TACC1: variants seen among roughly 807,000 people sequenced by gnomAD.
The protein encoded by TACC1 is transforming acidic coiled-coil containing protein 1.
TACC1 carries 48 observed loss-of-function variants against 84.4 expected under a neutral mutation model. The ratio of observed to expected loss-of-function variants is 0.57; its 90% CI spans 0.45 to 0.72. The LOEUF is 0.72. Among genes scored for constraint, TACC1 ranks in the 30% least tolerant of loss-of-function variants. The probability of loss-of-function intolerance (pLI) is 0.00; values close to 1 mark genes in which losing one functional copy is unlikely to be tolerated. For synonymous variants in TACC1, 372 were observed against 376.3 expected (o/e 0.99, Z 0.13); for missense variants, 920 against 973.0 (o/e 0.95, Z 0.72).
rs1833286985 is a variant in TACC1 at position 38,852,885 on chromosome 8, A to G, written c.*4862A>G. 6.6e-6 allele frequency: 1 copy of G among 152,662 alleles called. No homozygotes were observed. Among genetic ancestry groups the G allele is most frequent in the Non-Finnish European group, 1.5e-5 (1 of 68,048 alleles). The allele number at this position is 152,662 out of a possible 1,614,324, so 9.5% of individuals were successfully genotyped here. A position where few individuals can be genotyped will look rare whatever the true frequency, so the allele number is the denominator to read the frequency against. ...ATTGTGTTGTGTGGAATATTCATCT[A>G]CATAAATTTTATATGCACAGTAATT... On this transcript the variant is annotated 3_prime_UTR_variant, in exon 13 of 13. Coordinates refer to ENST00000317827, the MANE Select transcript of TACC1 (RefSeq NM_006283.3).
exon 3 of TACC1, chr8:38,745,369 A>T (rs1587164077): frequency 1.6e-6 from 1 of 606,186 alleles, no homozygotes; most frequent in African/African-American, 1.9e-5. Flanking sequence ...CCTAGCATTC[A>T]TCATATCCAA....
intron 2 of TACC1, among the ~76,000 whole-genome samples, chr8:38,797,523 C>T (rs1382385237): frequency 2.0e-5 from 3 of 152,176 alleles, no homozygotes; most frequent in Admixed American, 2.0e-4. Flanking sequence ...CGCCTATTGG[C>T]TTGTGGTCCT....
intron 6 of TACC1, among the ~76,000 whole-genome samples, chr8:38,832,603 C>T (rs1292978033): frequency 6.6e-6 from 1 of 152,106 alleles, no homozygotes; most frequent in Non-Finnish European, 1.5e-5. Context: ...GGTCTTGTGC[C>T]CAGCAGTAGG....
chr8:38,807,679 A>G (rs185289407), intron 2 of TACC1, among the ~76,000 whole-genome samples: 105 of 152,316 alleles, frequency 6.9e-4, no homozygotes, highest in African/African-American at 2.1e-3. Flanking sequence ...AGCTGAATAC[A>G]TTTCTCTGAA....
chr8:38,835,496 T>G (rs1830048524), intron 6 of TACC1, among the ~76,000 whole-genome samples: 1 of 152,162 alleles, frequency 6.6e-6, no homozygotes, highest in Non-Finnish European at 1.5e-5. Context: ...CACACAGGCA[T>G]GGTCCTTGAC....
chr8:38,801,445 G>A lies in TACC1; in HGVS notation c.277+12626G>A, dbSNP rs567443163. Among the ~76,000 whole-genome samples the A allele has an allele frequency of 3.9e-5, 6 of 152,274 alleles. No individual in the cohort carries two copies. The South Asian group carries it at 1.0e-3, about 26-fold the overall frequency. On this transcript the variant is annotated intron_variant, in intron 2 of 12. Transcript: ENST00000317827. Reference sequence around the variant, plus strand: ...TTCTTTTGCATGTGGATATCCAGTTGTCCCAGCACCATTTGTCAAAAAGAC... The same window carrying A: ...TTCTTTTGCATGTGGATATCCAGTTATCCCAGCACCATTTGTCAAAAAGAC...
At chr8:38,776,558 C>G (rs535258461) in intron 3 of TACC1, among the ~76,000 whole-genome samples, 1 of 152,308 alleles carries the variant, frequency 6.6e-6, no homozygotes, top group African/African-American at 2.4e-5. Flanking sequence ...TTCATATACA[C>G]CTTCTACACA....
chr8:38,806,633 G>A (rs1289178509), intron 2 of TACC1, among the ~76,000 whole-genome samples: 1 of 152,006 alleles, frequency 6.6e-6, no homozygotes, highest in Non-Finnish European at 1.5e-5. Flanking sequence ...CTTGGTTTTG[G>A]GTAAGAAGAT....
At chr8:38,746,405 T>G (rs1458837681) in intron 3 of TACC1, among the ~76,000 whole-genome samples, 1 of 152,312 alleles carries the variant, frequency 6.6e-6, no homozygotes, top group Admixed American at 6.5e-5. Context: ...TCTAATATCT[T>G]GAATCTGCAA....
chr8:38,837,641 C>CTATGAGAT (rs1439686161), intron 7 of TACC1, among the ~76,000 whole-genome samples: 2 of 152,168 alleles, frequency 1.3e-5, no homozygotes, highest in Non-Finnish European at 2.9e-5. Context: ...GGGAGTTAAA[C>CTATGAGAT]TATGAGATCA....
chr8:38,775,779 G>T (rs1466743802), intron 3 of TACC1, among the ~76,000 whole-genome samples: 1 of 152,186 alleles, frequency 6.6e-6, no homozygotes, highest in Non-Finnish European at 1.5e-5. Flanking sequence ...ATTCTGCTCA[G>T]TGTCTATGCC....
intron 2 of TACC1, among the ~76,000 whole-genome samples, chr8:38,810,408 G>A (rs116680033): frequency 0.024 from 3,597 of 151,968 alleles, 130 homozygotes; most frequent in African/African-American, 0.075. Flanking sequence ...TGAGACCAGC[G>A]TGGACAACAT....
intron 3 of TACC1, among the ~76,000 whole-genome samples, chr8:38,775,690 A>G (rs138800128): frequency 1.3e-5 from 2 of 152,214 alleles, no homozygotes; most frequent in African/African-American, 2.4e-5. Flanking sequence ...GTTTTAACCT[A>G]TGAATTTTGG....
chr8:38,754,671 TCAA>T (rs1791740832), intron 3 of TACC1, among the ~76,000 whole-genome samples: 1 of 152,098 alleles, frequency 6.6e-6, no homozygotes, highest in Non-Finnish European at 1.5e-5. Context: ...CTGCCAAGAG[TCAA>T]CTTTTCTTTA....
At chr8:38,795,175 G>A (rs1026964476) in intron 2 of TACC1, among the ~76,000 whole-genome samples, 2 of 152,206 alleles carry the variant, frequency 1.3e-5, no homozygotes, top group African/African-American at 4.8e-5. Flanking sequence ...CCAAGGGAGT[G>A]TCTTCCTGGG....
chr8:38,804,860 C>T (rs997961448), intron 2 of TACC1, among the ~76,000 whole-genome samples: 1 of 152,202 alleles, frequency 6.6e-6, no homozygotes, highest in Non-Finnish European at 1.5e-5. Flanking sequence ...TACTTAGCCT[C>T]CCAACTGTCT....
At chr8:38,807,146 C>T (rs1822953516) in intron 2 of TACC1, among the ~76,000 whole-genome samples, 1 of 152,164 alleles carries the variant, frequency 6.6e-6, no homozygotes, top group South Asian at 2.1e-4. Context: ...TAAGCGTTTG[C>T]CAGCCCACAA....
chr8:38,779,891 T>C (rs1230937363), intron 3 of TACC1, among the ~76,000 whole-genome samples: 1 of 152,248 alleles, frequency 6.6e-6, no homozygotes. Context: ...AGACGATTCA[T>C]GTAAAGTGTA....
chr8:38,734,779 C>T (rs930910784), intron 1 of TACC1, among the ~76,000 whole-genome samples: 2 of 152,242 alleles, frequency 1.3e-5, no homozygotes, highest in African/African-American at 4.8e-5. Flanking sequence ...CCATAGTTAG[C>T]TGCGATGCCC....
Sources: gnomAD v4.1 joint callset for allele counts (sites outside exome capture counted in the v4.1 genomes callset) on GRCh38, gnomAD v4.1.1 for gene constraint, MANE v1.5 for transcripts, NCBI Gene and HGNC (gene_info 2026-07-23, HGNC 2026-07-21) for gene names.